Variants in NOL4 observed in about 807,000 individuals in gnomAD.
NOL4 encodes the protein nucleolar protein 4, also known as cancer/testis antigen 125.
In NOL4, 17 loss-of-function variants were observed where a neutral mutation model predicts 75.9. The observed-to-expected ratio is 0.22, with a 90% CI of 0.15 to 0.34. NOL4 has a LOEUF of 0.34. NOL4 is among the 10% of genes least tolerant of loss of function. The pLI is 1.00. For synonymous variants in NOL4, 292 were observed against 289.9 expected, an observed-to-expected ratio of 1.01 and a Z score of -0.07; for missense variants, 614 against 793.5, an observed-to-expected ratio of 0.77 and a Z score of 2.72.
intron 5 of NOL4, among the ~76,000 whole-genome samples, chr18:34,059,949 A>G (rs2145113761): frequency 6.6e-6 from 1 of 152,186 alleles, no homozygotes; most frequent in South Asian, 2.1e-4. Context: ...CCACCAGAGC[A>G]TCGGTCATTG....
chr18:33,949,617 A>G (rs886499509), intron 8 of NOL4, among the ~76,000 whole-genome samples: 1 of 152,104 alleles, frequency 6.6e-6, no homozygotes, highest in Admixed American at 6.6e-5. Context: ...TGGATCTACT[A>G]TGTGTGAATT....
chr18:33,914,253 G>A (rs191407174), intron 9 of NOL4, among the ~76,000 whole-genome samples: 15 of 152,136 alleles, frequency 9.9e-5, no homozygotes, highest in Middle Eastern at 3.4e-3. Flanking sequence ...GAATGCTGGG[G>A]TGGGGATAGC....
intron 5 of NOL4, among the ~76,000 whole-genome samples, chr18:34,073,221 T>C (rs2077595659): frequency 6.6e-6 from 1 of 151,878 alleles, no homozygotes; most frequent in African/African-American, 2.4e-5. Flanking sequence ...ATTACCAATA[T>C]CAGGAATGAA....
At chr18:33,915,251 C>T (rs1033351979) in intron 9 of NOL4, among the ~76,000 whole-genome samples, 9 of 151,786 alleles carry the variant, frequency 5.9e-5, no homozygotes, top group Middle Eastern at 3.2e-3. Flanking sequence ...ACTTTGGTGA[C>T]GGGGTGGTAG....
At chr18:34,006,631 G>C (rs573503028) in intron 6 of NOL4, among the ~76,000 whole-genome samples, 4 of 152,146 alleles carry the variant, frequency 2.6e-5, no homozygotes, top group African/African-American at 9.6e-5. Context: ...TGAACCTACA[G>C]AATGCATTAT....
At chr18:34,150,289 T>C (rs2081585828) in intron 1 of NOL4, among the ~76,000 whole-genome samples, 1 of 151,496 alleles carries the variant, frequency 6.6e-6, no homozygotes, top group Non-Finnish European at 1.5e-5. Context: ...GCCAACACAA[T>C]ATTAAAGGAG....
In NOL4 at chr18:33,893,010, T is replaced by C. The variant is rs940502684; in HGVS notation, c.1543-9586A>G. 6.6e-5 allele frequency among the ~76,000 whole-genome samples: 10 copies of C among 152,176 alleles called. No individual in the cohort carries two copies. The East Asian group carries it at 7.8e-4, about 12-fold the overall frequency. ...CTTTCATTAGACATATTTCAAATTTTTTATAATATCATGAAAATAAAATTG... is the reference window on the plus strand; with the variant it reads ...CTTTCATTAGACATATTTCAAATTTCTTATAATATCATGAAAATAAAATTG... On this transcript the variant is annotated intron_variant, in intron 9 of 10. Transcript: ENST00000261592.
chr18:34,074,795 C>T (rs2077675500), intron 5 of NOL4, among the ~76,000 whole-genome samples: 1 of 151,896 alleles, frequency 6.6e-6, no homozygotes. Context: ...GTTATTGTTC[C>T]AATACAAAAT....
chr18:34,026,826 T>C (rs940280246), intron 5 of NOL4, among the ~76,000 whole-genome samples: 4 of 152,152 alleles, frequency 2.6e-5, no homozygotes, highest in Admixed American at 1.3e-4. Flanking sequence ...TATCGACATC[T>C]TAAAGAATGA....
At chr18:33,853,269 C>T (rs1176047073) in intron 10 of NOL4, among the ~76,000 whole-genome samples, 1 of 152,068 alleles carries the variant, frequency 6.6e-6, no homozygotes, top group African/African-American at 2.4e-5. Flanking sequence ...TGGAAATCAC[C>T]TCTTGCTGTA....
chr18:33,934,582 T>C (rs1432210324), intron 9 of NOL4, among the ~76,000 whole-genome samples: 1 of 152,174 alleles, frequency 6.6e-6, no homozygotes, highest in Non-Finnish European at 1.5e-5. Context: ...ACCTCAGCAC[T>C]TGCTGCCTCC....
intron 5 of NOL4, among the ~76,000 whole-genome samples, chr18:34,038,865 A>G (rs994972737): frequency 6.6e-6 from 1 of 152,084 alleles, no homozygotes; most frequent in Non-Finnish European, 1.5e-5. Context: ...AGTATACTGT[A>G]TATTTCAAAA....
At chr18:33,969,321 C>T (rs959038888) in intron 6 of NOL4, among the ~76,000 whole-genome samples, 1 of 152,112 alleles carries the variant, frequency 6.6e-6, no homozygotes, top group African/African-American at 2.4e-5. Flanking sequence ...ACTCACTTCT[C>T]ATTATCAGAG....
intron 8 of NOL4, among the ~76,000 whole-genome samples, chr18:33,945,506 T>C (rs975031972): frequency 1.2e-4 from 18 of 151,756 alleles, no homozygotes; most frequent in Non-Finnish European, 1.5e-5. Context: ...TAAAAGTTGT[T>C]ATGCATAATA....
At chr18:34,073,573 C>T (rs1749490368) in intron 5 of NOL4, among the ~76,000 whole-genome samples, 1 of 151,906 alleles carries the variant, frequency 6.6e-6, no homozygotes, top group South Asian at 2.1e-4. Flanking sequence ...TGAGTCTGTA[C>T]ATGTTCAGTA....
chr18:34,128,724 C>A, intron 2 of NOL4: 3 of 204,512 alleles, frequency 1.5e-5, no homozygotes, highest in Non-Finnish European at 2.6e-5. Context: ...GGGATAAATA[C>A]AACATGTATT....
chr18:34,222,991 G>T lies in NOL4; in HGVS notation c.263C>A (p.Thr88Lys), dbSNP rs759309117. ...AACAGAGGAAGGCGAGTCACTCACC[G>T]TGGTCTTGACAGGCACGTAGAGCAC... ...KQVLYVPVKT[T>K]DGVGVDEKLS... The change falls in exon 1 of 11, where the codon ACG becomes AAG. Residue 88 changes from threonine to lysine, a missense_variant and splice_region_variant. Thr to Lys is a moderately conservative substitution (Grantham distance 78). Transcript: ENST00000261592. The T allele has an allele frequency of 5.6e-6, 9 of 1,606,316 alleles. No individual in the cohort carries two copies. The highest frequency in any genetic ancestry group is 7.6e-6 in the Non-Finnish European group (9 of 1,179,802).
chr18:33,890,944 C>A (rs1055771623), intron 9 of NOL4, among the ~76,000 whole-genome samples: 5 of 151,664 alleles, frequency 3.3e-5, no homozygotes, highest in Non-Finnish European at 7.4e-5. Context: ...AGTGGTCAAA[C>A]CAAAAATTAC....
intron 6 of NOL4, among the ~76,000 whole-genome samples, chr18:33,996,848 G>A (rs1407141316): frequency 2.0e-5 from 3 of 151,802 alleles, no homozygotes; most frequent in East Asian, 3.9e-4. Context: ...CTTTGCTATT[G>A]CGAATAGCAC....
Sources: gnomAD v4.1 joint callset for allele counts (sites outside exome capture counted in the v4.1 genomes callset) on GRCh38, gnomAD v4.1.1 for gene constraint, MANE v1.5 for transcripts, NCBI Gene and HGNC (gene_info 2026-07-23, HGNC 2026-07-21) for gene names.